PMM2: variants seen among roughly 807,000 people sequenced by gnomAD.
PMM2 encodes the protein phosphomannomutase 2.
A neutral mutation model predicts 33.2 loss-of-function variants in PMM2; 35 were observed. The observed-to-expected ratio is 1.06, with a 90% CI of 0.81 to 1.40. PMM2 has a LOEUF of 1.40. Among genes scored for constraint, PMM2 ranks in the 40% most tolerant of loss-of-function variants. The pLI, the probability that PMM2 is intolerant of heterozygous loss-of-function variation, is 0.00. For missense variants in PMM2, 386 were observed against 306.0 expected (o/e 1.26, Z -1.95); for synonymous variants, 153 against 114.7 (o/e 1.33, Z -2.13).
rs570829636 is a variant in PMM2, at chr16:8,834,369, G to A, written c.640-13355G>A. On this transcript the variant is annotated intron_variant, in intron 7 of 7. Transcript: ENST00000268261. ...GTAAAGGCTGGTCCGTTATCAGACTGTATAGAGGTGGGAAGGCTAAACTGA... is the reference window on the plus strand; with the variant it reads ...GTAAAGGCTGGTCCGTTATCAGACTATATAGAGGTGGGAAGGCTAAACTGA... Among the ~76,000 whole-genome samples, 18 of 152,142 alleles carry A rather than the reference G, an allele frequency of 1.2e-4. 1 individual carries two copies. The South Asian group carries it at 2.9e-3, about 25-fold the overall frequency.
chr16:8,842,539 C>T (rs983115247), intron 7 of PMM2, among the ~76,000 whole-genome samples: 3 of 152,090 alleles, frequency 2.0e-5, no homozygotes, highest in Admixed American at 6.5e-5. Context: ...GAGGCTGGGA[C>T]AAGGGGTGCA....
intron 5 of PMM2, 116 bp from the exon 6 acceptor site, chr16:8,811,522 A>G (rs2060677599): frequency 1.3e-6 from 1 of 771,714 alleles, no homozygotes; most frequent in Non-Finnish European, 2.2e-6. Context: ...CCCCATCTCA[A>G]AAACTAAACA....
chr16:8,798,642 G>C (rs985201640), intron 1 of PMM2, among the ~76,000 whole-genome samples: 5 of 152,182 alleles, frequency 3.3e-5, no homozygotes, highest in African/African-American at 1.2e-4. Flanking sequence ...CCCGCTGAGA[G>C]CCTCTTTGGG....
chr16:8,826,395 C>A (rs971370660), intron 7 of PMM2, among the ~76,000 whole-genome samples: 3 of 152,174 alleles, frequency 2.0e-5, no homozygotes, highest in Non-Finnish European at 4.4e-5. Context: ...GTCTGACTCT[C>A]TCTGGCCTAG....
chr16:8,837,109 C>CAG (rs1230220902), intron 7 of PMM2, among the ~76,000 whole-genome samples: 2 of 151,800 alleles, frequency 1.3e-5, no homozygotes. Flanking sequence ...TAGAAAGACT[C>CAG]AGCGACGCTT....
At chr16:8,806,837 A>G (rs1417324872) in intron 4 of PMM2, 3 of 204,532 alleles carry the variant, frequency 1.5e-5, no homozygotes, top group Admixed American at 1.1e-4. Flanking sequence ...GTGAAGCAGC[A>G]TGTACAAAAA....
intron 7 of PMM2, among the ~76,000 whole-genome samples, chr16:8,840,731 G>T (rs1293338474): frequency 2.0e-5 from 3 of 152,008 alleles, no homozygotes; most frequent in Non-Finnish European, 4.4e-5. Context: ...TGAGCCTAGT[G>T]GGGAGGATCC....
rs2060626990 is a variant in PMM2, at chr16:8,803,405, GA to G, written c.179-1360del. ...TTGTGTATTTAACCACTTGCTCAGGGAAGTTTTGTGTAGTGTAGCATAGTGT... is the reference window on the plus strand; with the variant it reads ...TTGTGTATTTAACCACTTGCTCAGGGAGTTTTGTGTAGTGTAGCATAGTGT... On this transcript the variant is annotated intron_variant, in intron 2 of 7. Transcript: ENST00000268261. Among the ~76,000 whole-genome samples, 3 of 152,170 alleles carry G rather than the reference GA, an allele frequency of 2.0e-5. No homozygotes were observed. The South Asian group carries it at 6.2e-4, about 32-fold the overall frequency.
rs751782324 is a variant in PMM2, at chr16:8,797,849, C to A, written c.-34C>A. The stretch of plus-strand genomic sequence containing the variant: ...TTCCGGGCCGAGTTCCTCGTGCCAA[C>A]GTGTCTTGTAAGGTGCGGCTAGAAA... On this transcript the variant is annotated 5_prime_UTR_variant, in exon 1 of 8. Coordinates refer to ENST00000268261, the MANE Select transcript of PMM2 (RefSeq NM_000303.3). 5 of 1,606,218 alleles carry A rather than the reference C, an allele frequency of 3.1e-6. No homozygotes were observed. In the African/African-American group the frequency reaches 5.3e-5, roughly 17 times the overall value.
At position 8,797,871 on chromosome 16, in the gene PMM2, G is replaced by A. The variant is rs776843785; in HGVS notation, c.-12G>A. 1.9e-6 allele frequency: 3 copies of A among 1,611,136 alleles called. No individual in the cohort carries two copies. Among genetic ancestry groups the A allele is most frequent in the South Asian group, 1.1e-5 (1 of 90,376 alleles). On this transcript the variant is annotated 5_prime_UTR_variant, in exon 1 of 8. Transcript: ENST00000268261. ...CAACGTGTCTTGTAAGGTGCGGCTA[G>A]AAACTGGGGACATGGCAGCGCCTGG...
At chr16:8,827,751 T>C (rs1195186350) in intron 7 of PMM2, among the ~76,000 whole-genome samples, 2 of 87,614 alleles carry the variant, frequency 2.3e-5, no homozygotes, top group Non-Finnish European at 4.4e-5. Flanking sequence ...TATATATATA[T>C]ATATATATAT....
chr16:8,810,899 A>G (rs553288265), intron 4 of PMM2, 180 bp from the exon 5 acceptor site: 2 of 627,202 alleles, frequency 3.2e-6, no homozygotes, highest in South Asian at 3.7e-5. Flanking sequence ...TATTAGCCAC[A>G]TTTCAAGTCT....
intron 7 of PMM2, among the ~76,000 whole-genome samples, chr16:8,820,299 A>G (rs571073393): frequency 6.6e-6 from 1 of 151,822 alleles, no homozygotes; most frequent in African/African-American, 2.4e-5. Context: ...TGACCTTGTG[A>G]CAGTGAGGAC....
chr16:8,803,085 A>G (rs1171537034), intron 2 of PMM2, among the ~76,000 whole-genome samples: 2 of 152,144 alleles, frequency 1.3e-5, no homozygotes, highest in Non-Finnish European at 2.9e-5. Flanking sequence ...TACGGCTATG[A>G]CTACCAGAAA....
At chr16:8,808,920 CCT>C (rs1167944495) in intron 4 of PMM2, 1 of 152,102 alleles carries the variant, frequency 6.6e-6, no homozygotes, top group East Asian at 1.9e-4. Context: ...ACATCATTTG[CCT>C]CTTTCTCTGC....
chr16:8,814,875 G>GTA (rs771601842), intron 7 of PMM2, among the ~76,000 whole-genome samples: 1 of 152,112 alleles, frequency 6.6e-6, no homozygotes, highest in Non-Finnish European at 1.5e-5. Context: ...GTTTCTAAGT[G>GTA]TACAATACAG....
At chr16:8,818,939 C>T (rs942787831) in intron 7 of PMM2, among the ~76,000 whole-genome samples, 11 of 151,416 alleles carry the variant, frequency 7.3e-5, no homozygotes, top group African/African-American at 2.5e-5. Flanking sequence ...CCAGAAACCA[C>T]CCTGGCTGGA....
chr16:8,822,610 CAA>C (rs991088487), intron 7 of PMM2, among the ~76,000 whole-genome samples: 4 of 152,256 alleles, frequency 2.6e-5, no homozygotes, highest in South Asian at 2.1e-4. Flanking sequence ...AAAATTTTTG[CAA>C]AGACAGTTTC....
rs372537052 is a variant in PMM2 at position 8,804,780 on chromosome 16, C to T, written c.192C>T (p.Tyr64=). ...TTTTGATTGTAGTGGTTGAAAAATA[C>T]GATTATGTGTTTCCAGAAAATGGCT... is the stretch of plus-strand genomic sequence containing the variant. The part of the protein sequence containing the change: ...EQLGNDVVEK[Y]DYVFPENGLV... Residue 64 remains tyrosine, a synonymous_variant, in exon 3 of 8, where the codon TAC becomes TAT. Coordinates refer to ENST00000268261, the MANE Select transcript of PMM2 (RefSeq NM_000303.3). The T allele has an allele frequency of 1.6e-5, 25 of 1,611,976 alleles. No individual in the cohort carries two copies. The highest frequency in any genetic ancestry group is 1.4e-4 in the South Asian group (13 of 91,044).
Sources: allele counts gnomAD v4.1 joint callset (sites outside exome capture counted in the v4.1 genomes callset), GRCh38; gene constraint gnomAD v4.1.1; transcripts MANE v1.5; gene names NCBI Gene and HGNC (gene_info 2026-07-23, HGNC 2026-07-21).